AMZ1: variants seen among roughly 807,000 people sequenced by gnomAD.
AMZ1 encodes the protein archaemetzincin-1.
In AMZ1, 39 loss-of-function variants were observed where a neutral mutation model predicts 29.9. The ratio of observed to expected loss-of-function variants is 1.30; its 90% confidence interval spans 1.01 to 1.70. The LOEUF (loss-of-function observed/expected upper bound fraction) is 1.70. Ranked by LOEUF, AMZ1 falls within the 40% of genes most tolerant of loss-of-function variation. AMZ1 has a pLI of 0.00. For missense variants in AMZ1, 1,041 were observed against 680.6 expected (o/e 1.53, Z -5.89); for synonymous variants, 458 against 304.0 (o/e 1.51, Z -5.27).
intron 1 of AMZ1, among the ~76,000 whole-genome samples, chr7:2,680,944 G>A (rs1308233900): frequency 6.6e-6 from 1 of 152,124 alleles, no homozygotes; most frequent in Non-Finnish European, 1.5e-5. Flanking sequence ...CCAGGCCTTC[G>A]GGATCCCCGC....
Position 2,709,085 on chromosome 7 carries a change from C to T in AMZ1, c.612C>T (p.Val204=). ...SKFLPGHEVG[V]CSFARFSGEF... ...TCCATCTCTCTCCAGAAGTGGGCGT[C>T]TGCAGCTTCGCCCGGTTCTCAGGGG... is the stretch of plus-strand genomic sequence containing the variant. Residue 204 remains valine (V), a synonymous_variant, in exon 5 of 7, where the codon GTC becomes GTT. Transcript: ENST00000683327. 2 of 1,593,496 alleles carry T rather than the reference C, an allele frequency of 1.3e-6. No homozygotes were observed. Among genetic ancestry groups the T allele is most frequent in the East Asian group, 2.3e-5 (1 of 44,330 alleles).
intron 6 of AMZ1, among the ~76,000 whole-genome samples, chr7:2,710,313 G>C (rs185549956): frequency 6.6e-6 from 1 of 152,216 alleles, no homozygotes; most frequent in Admixed American, 6.5e-5. Flanking sequence ...GGGCTCGTCC[G>C]TATTCATGGA....
chr7:2,723,414 G>C (rs1789500302), downstream of AMZ1, among the ~76,000 whole-genome samples: 1 of 152,244 alleles, frequency 6.6e-6, no homozygotes, highest in Non-Finnish European at 1.5e-5. Flanking sequence ...TGATGCCCGA[G>C]TTTCAAAGTC....
chr7:2,690,221 GAGACAGAC>G (rs369423795), intron 1 of AMZ1, among the ~76,000 whole-genome samples: 5 of 152,120 alleles, frequency 3.3e-5, no homozygotes, highest in South Asian at 4.2e-4. Context: ...GAGAGAGAGA[GAGACAGAC>G]AGACAGACAG....
At chr7:2,725,705 C>T (rs1324409389) in intron 4 of AMZ1, among the ~76,000 whole-genome samples, 1 of 152,260 alleles carries the variant, frequency 6.6e-6, no homozygotes, top group South Asian at 2.1e-4. Flanking sequence ...TCTGCCTCTC[C>T]CTGGTCGCCT....
intron 4 of AMZ1, among the ~76,000 whole-genome samples, chr7:2,735,572 C>T (rs1790128135): frequency 6.6e-6 from 1 of 152,192 alleles, no homozygotes; most frequent in Non-Finnish European, 1.5e-5. Context: ...CGGTGTGAGT[C>T]TAAACACCCC....
rs1357991213 is a variant in AMZ1, at chr7:2,717,421, GCCGT to G, written c.*4546_*4549del. ...GTGAGAGACTCACGGGGGCCTGGCTGCCGTCCTGGGAGAGGCCCCGGGAACCGGC... is the reference window on the plus strand; with the variant it reads ...GTGAGAGACTCACGGGGGCCTGGCTGCCTGGGAGAGGCCCCGGGAACCGGC... On this transcript the variant is annotated 3_prime_UTR_variant, in exon 7 of 7. Transcript: ENST00000683327. Among the ~76,000 whole-genome samples, 1 of 152,226 alleles carries G rather than the reference GCCGT, an allele frequency of 6.6e-6. No individual in the cohort carries two copies. The highest frequency in any genetic ancestry group is 2.4e-5 in the African/African-American group (1 of 41,454).
Position 2,716,897 on chromosome 7 carries a change from C to T in AMZ1, c.*4019C>T, listed in dbSNP as rs1789154364. On this transcript the variant is annotated 3_prime_UTR_variant, in exon 7 of 7. Coordinates refer to ENST00000683327, the MANE Select transcript of AMZ1 (RefSeq NM_001384743.1). ...ATGGGACTGGGAAGGGCTGGAGCCT[C>T]AGAAACGGCAGAGCGGAAGTTGAGG... Among the ~76,000 whole-genome samples the T allele has an allele frequency of 6.6e-6, 1 of 152,220 alleles. No individual in the cohort carries two copies. The highest frequency in any genetic ancestry group is 2.4e-5 in the African/African-American group (1 of 41,464).
intron 4 of AMZ1, among the ~76,000 whole-genome samples, chr7:2,739,120 G>C (rs1790369049): frequency 6.6e-6 from 1 of 152,182 alleles, no homozygotes; most frequent in Admixed American, 6.5e-5. Flanking sequence ...GCCACGCCGG[G>C]CCCCTAAAGC....
chr7:2,745,164 G>A (rs887374670), intron 4 of AMZ1, among the ~76,000 whole-genome samples: 3 of 152,140 alleles, frequency 2.0e-5, no homozygotes, highest in East Asian at 1.9e-4. Context: ...AGGAAATACA[G>A]AGAACACCAC....
intron 4 of AMZ1, among the ~76,000 whole-genome samples, chr7:2,755,364 A>G (rs1469104069): frequency 6.6e-6 from 1 of 152,274 alleles, no homozygotes; most frequent in Non-Finnish European, 1.5e-5. Flanking sequence ...ACATCTTGAC[A>G]GCACTGAGTT....
chr7:2,761,625 C>T (rs1791559749), upstream of AMZ1, among the ~76,000 whole-genome samples: 1 of 152,160 alleles, frequency 6.6e-6, no homozygotes, highest in South Asian at 2.1e-4. Flanking sequence ...GTTCCCGAAC[C>T]GGCCTCTCAG....
chr7:2,733,384 G>A (rs141986370), intron 4 of AMZ1: 38 of 1,282,174 alleles, frequency 3.0e-5, no homozygotes, highest in Non-Finnish European at 4.0e-5. Context: ...AACGTGGACT[G>A]CTTTGGTCTC....
At chr7:2,725,351 G>C (rs576578837) in intron 4 of AMZ1, among the ~76,000 whole-genome samples, 14 of 152,360 alleles carry the variant, frequency 9.2e-5, no homozygotes, top group African/African-American at 3.1e-4. Context: ...ACAGCTGCGC[G>C]AGGGGAAGGG....
At chr7:2,706,522 C>G (rs1788363301) in intron 3 of AMZ1, among the ~76,000 whole-genome samples, 1 of 152,236 alleles carries the variant, frequency 6.6e-6, no homozygotes, top group Non-Finnish European at 1.5e-5. Flanking sequence ...GCCACGTGGT[C>G]TCAGAAGGCT....
At chr7:2,735,254 C>T (rs550741883) in intron 4 of AMZ1, among the ~76,000 whole-genome samples, 2 of 152,346 alleles carry the variant, frequency 1.3e-5, no homozygotes, top group Admixed American at 6.5e-5. Context: ...CCTGTGGCCA[C>T]GGGCTCCCCC....
intron 1 of AMZ1, among the ~76,000 whole-genome samples, chr7:2,699,663 G>A (rs1021462110): frequency 6.6e-6 from 1 of 152,176 alleles, no homozygotes; most frequent in African/African-American, 2.4e-5. Flanking sequence ...TCTGGGTGAG[G>A]AGGAATCCCA....
intron 1 of AMZ1, among the ~76,000 whole-genome samples, chr7:2,682,903 G>A (rs1042442724): frequency 2.6e-5 from 4 of 152,194 alleles, no homozygotes; most frequent in African/African-American, 9.7e-5. Context: ...CATCTCTGCC[G>A]TTGACCCGGG....
chr7:2,697,330 C>T (rs557501915), intron 1 of AMZ1, among the ~76,000 whole-genome samples: 4 of 152,174 alleles, frequency 2.6e-5, no homozygotes, highest in Middle Eastern at 3.4e-3. Flanking sequence ...CTCCTGACCT[C>T]GGGTGATCCA....
Sources: gnomAD v4.1 joint callset for allele counts (sites outside exome capture counted in the v4.1 genomes callset) on GRCh38, gnomAD v4.1.1 for gene constraint, MANE v1.5 for transcripts, NCBI Gene and HGNC (gene_info 2026-07-23, HGNC 2026-07-21) for gene names.